The following AMZ2 variants were observed in gnomAD, a reference collection of about 807,000 sequenced individuals.
The protein encoded by AMZ2 is archaemetzincin-2.
AMZ2 carries 26 observed loss-of-function variants against 36.7 expected under a neutral mutation model. The ratio of observed to expected loss-of-function variants is 0.71; its 90% CI spans 0.52 to 0.98. The LOEUF (loss-of-function observed/expected upper bound fraction) is 0.98, where lower values mean the gene tolerates loss of function less well. Among genes scored for constraint, AMZ2 ranks in the 50% least tolerant of loss-of-function variants. AMZ2 has a pLI of 0.00. For synonymous variants in AMZ2, 144 were observed against 149.1 expected, an observed-to-expected ratio of 0.97 and a Z score of 0.25; for missense variants, 394 against 430.5, an observed-to-expected ratio of 0.92 and a Z score of 0.75.
chr17:68,216,821 G>C (rs1475794016), intron 1 of AMZ2, among the ~76,000 whole-genome samples: 4 of 152,260 alleles, frequency 2.6e-5, no homozygotes, highest in Admixed American at 1.3e-4. Context: ...ACAAGGTCAG[G>C]AGTTTGAGAC....
At chr17:68,254,346 T>G in intron 4 of AMZ2, 58 bp from the exon 5 acceptor site, 1 of 1,529,752 alleles carries the variant, frequency 6.5e-7, no homozygotes, top group Non-Finnish European at 8.8e-7. Flanking sequence ...TCTTCTTTCT[T>G]TGGTCTTTCT....
At chr17:68,211,443 C>T (rs1290128912) in intron 1 of AMZ2, among the ~76,000 whole-genome samples, 3 of 149,946 alleles carry the variant, frequency 2.0e-5, no homozygotes, top group African/African-American at 7.4e-5. Context: ...GTGGAGATTG[C>T]AGTGAGCCAA....
chr17:68,229,558 G>A (rs1289168183), intron 1 of AMZ2, among the ~76,000 whole-genome samples: 2 of 152,194 alleles, frequency 1.3e-5, no homozygotes, highest in East Asian at 1.9e-4. Context: ...CTACCCAAAA[G>A]CGAGGTACCT....
At chr17:68,254,344 CTT>C in intron 4 of AMZ2, 58 bp from the exon 5 acceptor site, 1 of 1,527,554 alleles carries the variant, frequency 6.5e-7, no homozygotes, top group Admixed American at 2.1e-5. Flanking sequence ...TCTCTTCTTT[CTT>C]TGGTCTTTCT....
intron 1 of AMZ2, among the ~76,000 whole-genome samples, chr17:68,220,373 A>T (rs548733817): frequency 5.5e-4 from 83 of 152,148 alleles, no homozygotes; most frequent in South Asian, 1.5e-3. Context: ...CGGTCATCAC[A>T]TGTGTAACTA....
Position 68,255,704 on chromosome 17 carries a change from T to C in AMZ2, c.755T>C (p.Leu252Ser). The C allele has an allele frequency of 6.2e-7, 1 of 1,613,850 alleles. No homozygotes were observed. The highest frequency in any genetic ancestry group is 8.5e-7 in the Non-Finnish European group (1 of 1,179,738). The change falls in exon 6 of 7, where the codon TTA becomes TCA. Residue 252 changes from leucine to serine, a missense_variant. By Grantham distance (145) the Leu-to-Ser change is moderately radical. Coordinates refer to ENST00000359904, the MANE Select transcript of AMZ2 (RefSeq NM_016627.5). ...SVLLLRSCKT[L>S]THEIGHIFGL... ...CTCAACATGATTGTCTTGCAGACTT[T>C]AACCCATGAGATCGGACACATATTT...
chr17:68,238,370 C>G (rs2073833722), intron 1 of AMZ2, among the ~76,000 whole-genome samples: 2 of 152,114 alleles, frequency 1.3e-5, no homozygotes, highest in Admixed American at 6.6e-5. Flanking sequence ...TCTTCCTCCC[C>G]TCATTCGAAC....
intron 1 of AMZ2, among the ~76,000 whole-genome samples, chr17:68,241,127 G>A (rs1329772386): frequency 1.3e-5 from 2 of 152,070 alleles, no homozygotes; most frequent in Non-Finnish European, 2.9e-5. Context: ...TGAATGGGGA[G>A]ATGAAGTTAC....
rs782585483 is a variant in AMZ2 at position 68,255,840 on chromosome 17, G to A, written c.891G>A (p.Gln297=). Reference sequence around the variant, plus strand: ...GCCCTATCTGTTTGCACAAGTTGCAGTGTGCTGTTGGCTTCAGCATTGTAG... The same window carrying A: ...GCCCTATCTGTTTGCACAAGTTGCAATGTGCTGTTGGCTTCAGCATTGTAG... ...NLCPICLHKL[Q]CAVGFSIVER... Residue 297 remains glutamine (Q), a synonymous_variant, in exon 6 of 7, where the codon CAG becomes CAA. Coordinates refer to ENST00000359904, the MANE Select transcript of AMZ2 (RefSeq NM_016627.5). The A allele has an allele frequency of 1.9e-5, 30 of 1,614,086 alleles. No homozygotes were observed. The highest frequency in any genetic ancestry group is 2.5e-5 in the Non-Finnish European group (30 of 1,180,044).
chr17:68,250,480 G>A lies in AMZ2; in HGVS notation c.283+10G>A. 6.2e-7 allele frequency: 1 copy of A among 1,611,308 alleles called. No homozygotes were observed. ...TATATACAGTCCATTGGTAAATACT[G>A]GTAATGTGCTGGTTTTGGTTCAGTT... On this transcript the variant is annotated intron_variant, in intron 2 of 6. Transcript: ENST00000359904.
intron 4 of AMZ2, among the ~76,000 whole-genome samples, chr17:68,252,662 C>CTATTT (rs781917471): frequency 1.4e-4 from 21 of 151,986 alleles, no homozygotes; most frequent in Admixed American, 9.2e-4. Flanking sequence ...CCACACCCGG[C>CTATTT]TATTTTATTT....
At chr17:68,227,849 G>A (rs2073555055) in intron 1 of AMZ2, among the ~76,000 whole-genome samples, 2 of 152,176 alleles carry the variant, frequency 1.3e-5, no homozygotes, top group East Asian at 3.9e-4. Context: ...AAAATAAACA[G>A]AAAAGAACTG....
chr17:68,248,908 C>G lies in AMZ2; in HGVS notation c.-1+203C>G, dbSNP rs1555737475. 4 of 644,326 alleles carry G rather than the reference C, an allele frequency of 6.2e-6. No homozygotes were observed. The Admixed American group carries it at 1.6e-4, about 26-fold the overall frequency. 39.9% of individuals were successfully genotyped at this position (644,326 alleles called of 1,614,324 possible). A position where few individuals can be genotyped will look rare whatever the true frequency, so the allele number is the denominator to read the frequency against. On this transcript the variant is annotated intron_variant, in intron 1 of 6. Coordinates refer to ENST00000359904, the MANE Select transcript of AMZ2 (RefSeq NM_016627.5). Reference sequence around the variant, plus strand: ...CAGAACAGACATTAGCTTAAGTTTTCCCATCAATCGTCTATCATTAAACTG... The same window carrying G: ...CAGAACAGACATTAGCTTAAGTTTTGCCATCAATCGTCTATCATTAAACTG...
At position 68,255,887 on chromosome 17, in the gene AMZ2, G is replaced by A. The variant is rs781987062; in HGVS notation, c.927+11G>A. 1.9e-6 allele frequency: 3 copies of A among 1,613,614 alleles called. No individual in the cohort carries two copies. The highest frequency in any genetic ancestry group is 2.7e-5 in the African/African-American group (2 of 74,984). Reference sequence around the variant, plus strand: ...GTAGAAAGATACAAAGTAAGTTGGGGGGTGGACAGTCTAAAGAGGGGGAAG... The same window carrying A: ...GTAGAAAGATACAAAGTAAGTTGGGAGGTGGACAGTCTAAAGAGGGGGAAG... On this transcript the variant is annotated intron_variant, in intron 6 of 6. Transcript: ENST00000359904.
intron 1 of AMZ2, among the ~76,000 whole-genome samples, chr17:68,221,209 T>TCCCCCCCCCCCCCCCC (rs55937321): frequency 2.4e-4 from 16 of 66,776 alleles, no homozygotes; most frequent in Admixed American, 5.7e-4. Context: ...AGCCCTCAGC[T>TCCCCCCCCCCCCCCCC]CCCCCCCCCG....
chr17:68,254,180 G>A (rs561622082), intron 4 of AMZ2, among the ~76,000 whole-genome samples: 48 of 152,298 alleles, frequency 3.2e-4, no homozygotes, highest in African/African-American at 1.1e-3. Flanking sequence ...AGTCCATTAA[G>A]TTTTACAAGG....
intron 1 of AMZ2, among the ~76,000 whole-genome samples, chr17:68,209,891 G>T (rs957057826): frequency 1.3e-4 from 19 of 151,768 alleles, no homozygotes; most frequent in Admixed American, 2.6e-4. Flanking sequence ...AAAATGCTGG[G>T]ATTACAGGCT....
intron 1 of AMZ2, among the ~76,000 whole-genome samples, chr17:68,208,257 G>A (rs2072905227): frequency 6.6e-6 from 1 of 152,186 alleles, no homozygotes. Context: ...GGATCCACTG[G>A]GTGAAGCCAG....
At chr17:68,207,322 C>CCA (rs1568334767) in intron 1 of AMZ2, 3 of 144,576 alleles carry the variant, frequency 2.1e-5, no homozygotes, top group East Asian at 2.2e-4. Flanking sequence ...TACCCCCCCC[C>CCA]CACAAAGGCT....
Sources: gnomAD v4.1 joint callset for allele counts (sites outside exome capture counted in the v4.1 genomes callset) on GRCh38, gnomAD v4.1.1 for gene constraint, MANE v1.5 for transcripts, NCBI Gene and HGNC (gene_info 2026-07-23, HGNC 2026-07-21) for gene names.